AKR1C8: variants seen among roughly 807,000 people sequenced by gnomAD.
AKR1C8 encodes aldo-keto reductase family 1 member C8.
At chr10:5,130,571 A>G in the AKR1C8 span, among the ~76,000 whole-genome samples, 39 of 152,166 alleles carry the variant, frequency 2.6e-4, 1 homozygote, top group Middle Eastern at 0.02. Flanking sequence ...AAACAAATTC[A>G]GTAAAGTATC....
At chr10:5,141,502 G>C in the AKR1C8 span, among the ~76,000 whole-genome samples, 6 of 152,070 alleles carry the variant, frequency 3.9e-5, no homozygotes, top group Non-Finnish European at 7.4e-5. Flanking sequence ...ACTTTTCCTA[G>C]ATTCATCAGA....
the AKR1C8 span, among the ~76,000 whole-genome samples, chr10:5,174,481 A>G: frequency 6.6e-6 from 1 of 151,940 alleles, no homozygotes; most frequent in African/African-American, 2.4e-5. Context: ...TACTAAATTT[A>G]CTAAATATTT....
At chr10:5,138,154 T>A in the AKR1C8 span, among the ~76,000 whole-genome samples, 2 of 151,914 alleles carry the variant, frequency 1.3e-5, no homozygotes. Flanking sequence ...TGACCACAAA[T>A]TTACCAGAGT....
At chr10:5,130,118 G>A in the AKR1C8 span, among the ~76,000 whole-genome samples, 1 of 151,684 alleles carries the variant, frequency 6.6e-6, no homozygotes, top group East Asian at 1.9e-4. Context: ...GTATAACATA[G>A]GCAAGTCAAT....
the AKR1C8 span, among the ~76,000 whole-genome samples, chr10:5,180,202 C>T: frequency 6.6e-6 from 1 of 152,178 alleles, no homozygotes; most frequent in African/African-American, 2.4e-5. Context: ...AGACAGGACC[C>T]TCAGCTGCAG....
At chr10:5,169,666 TTATC>T in the AKR1C8 span, among the ~76,000 whole-genome samples, 5 of 151,954 alleles carry the variant, frequency 3.3e-5, no homozygotes, top group African/African-American at 1.2e-4. Flanking sequence ...GTAACTGAGA[TTATC>T]TATCAGATAT....
At chr10:5,156,049 G>A in the AKR1C8 span, among the ~76,000 whole-genome samples, 2 of 152,100 alleles carry the variant, frequency 1.3e-5, no homozygotes, top group African/African-American at 4.8e-5. Context: ...GCAGAAAAAG[G>A]AAATCCTTTA....
chr10:5,158,814 A>G, the AKR1C8 span: 1 of 424,244 alleles, frequency 2.4e-6, no homozygotes, highest in Admixed American at 3.2e-5. Flanking sequence ...TAATAGATGT[A>G]CTATACTTTT....
At chr10:5,177,710 G>C in the AKR1C8 span, among the ~76,000 whole-genome samples, 13 of 152,286 alleles carry the variant, frequency 8.5e-5, no homozygotes, top group East Asian at 2.1e-3. Flanking sequence ...AGTCTTGGGA[G>C]GGTGTATGTG....
At chr10:5,175,854 T>C in the AKR1C8 span, among the ~76,000 whole-genome samples, 2 of 152,148 alleles carry the variant, frequency 1.3e-5, no homozygotes, top group South Asian at 4.1e-4. Flanking sequence ...TTTGTTTGAG[T>C]TCATTGTAGA....
chr10:5,147,643 G>A, the AKR1C8 span, among the ~76,000 whole-genome samples: 1 of 152,236 alleles, frequency 6.6e-6, no homozygotes, highest in Non-Finnish European at 1.5e-5. Context: ...AATTTCTGGT[G>A]ACTTTGTGTC....
the AKR1C8 span, chr10:5,123,664 C>T: frequency 1.3e-6 from 2 of 1,523,872 alleles, no homozygotes; most frequent in Non-Finnish European, 1.8e-6. Context: ...AATTAAAATA[C>T]TTCATCAAAA....
At chr10:5,120,116 A>T in the AKR1C8 span, among the ~76,000 whole-genome samples, 132,838 of 152,264 alleles carry the variant, frequency 0.87, 58,212 homozygotes, top group African/African-American at 0.96. Flanking sequence ...ACTTAAGGCA[A>T]TCTTAAACCG....
chr10:5,151,322 C>T, the AKR1C8 span, among the ~76,000 whole-genome samples: 163 of 152,172 alleles, frequency 1.1e-3, no homozygotes, highest in African/African-American at 3.7e-3. Context: ...ATTAGTCCTA[C>T]TAAAGCAGTC....
the AKR1C8 span, among the ~76,000 whole-genome samples, chr10:5,175,738 A>C: frequency 2.1e-3 from 322 of 152,060 alleles, 1 homozygote; most frequent in African/African-American, 6.6e-3. Flanking sequence ...GATGGTGAGC[A>C]TTTTTTCATG....
At chr10:5,155,513 T>C in the AKR1C8 span, 1 of 291,960 alleles carries the variant, frequency 3.4e-6, no homozygotes, top group Non-Finnish European at 6.9e-6. Flanking sequence ...GGTCAGAGAT[T>C]GAGTCCTGGA....
At chr10:5,137,381 C>T in the AKR1C8 span, among the ~76,000 whole-genome samples, 1 of 152,138 alleles carries the variant, frequency 6.6e-6, no homozygotes, top group Non-Finnish European at 1.5e-5. Context: ...TCCAGCAGCA[C>T]ATCAAAAAGC....
chr10:5,184,344 G>C, the AKR1C8 span, among the ~76,000 whole-genome samples: 1 of 151,454 alleles, frequency 6.6e-6, no homozygotes, highest in African/African-American at 2.4e-5. Context: ...AATTTTCTCA[G>C]TCATAAGACA....
the AKR1C8 span, among the ~76,000 whole-genome samples, chr10:5,138,794 C>T: frequency 1.3e-5 from 2 of 151,862 alleles, no homozygotes. Context: ...CACTCCTATT[C>T]AACATAGGAG....
Sources: allele counts gnomAD v4.1 joint callset (sites outside exome capture counted in the v4.1 genomes callset), GRCh38; gene constraint gnomAD v4.1.1; transcripts MANE v1.5; gene names NCBI Gene and HGNC (gene_info 2026-07-23, HGNC 2026-07-21).